Variants in HOXB2 observed in about 807,000 individuals in gnomAD.
HOXB2 encodes homeobox B2.
Under a neutral mutation model 13.1 loss-of-function variants are expected in HOXB2, and 14 were observed. That is an observed-to-expected ratio of 1.07 (90% CI 0.71 to 1.67). The LOEUF (loss-of-function observed/expected upper bound fraction) is 1.67, where lower values mean the gene tolerates loss of function less well. HOXB2 is among the 40% of genes most tolerant of loss of function. The pLI, the probability that HOXB2 is intolerant of heterozygous loss-of-function variation, is 0.00. For missense variants in HOXB2, 582 were observed against 488.3 expected, an observed-to-expected ratio of 1.19 and a Z score of -1.81; for synonymous variants, 261 against 233.1, an observed-to-expected ratio of 1.12 and a Z score of -1.09.
At chr17:48,544,362 G>A in intron 1 of HOXB2, 159 bp downstream of exon 1, 1 of 1,425,442 alleles carries the variant, frequency 7.0e-7, no homozygotes, top group Non-Finnish European at 9.1e-7. Flanking sequence ...TTAGCGGCCA[G>A]GCCTGAACCC....
In HOXB2 at chr17:48,545,035, GTCTC is replaced by G. The variant is rs2068557178; in HGVS notation, c.-128_-125del. The G allele has an allele frequency of 6.1e-6, 5 of 820,074 alleles. No individual in the cohort carries two copies. The highest frequency in any genetic ancestry group is 7.4e-6 in the Non-Finnish European group (4 of 542,554). The allele number at this position is 820,074 out of a possible 1,614,324, so 50.8% of individuals were successfully genotyped here. A position where few individuals can be genotyped will look rare whatever the true frequency, so the allele number is the denominator to read the frequency against. On this transcript the variant is annotated 5_prime_UTR_variant, in exon 1 of 2. Coordinates refer to ENST00000330070, the MANE Select transcript of HOXB2 (RefSeq NM_002145.4). ...GCGATTTTGGGAGGGGGAGATTTCG[GTCTC>G]TCTTTTTTTTAATTTTGGGCCTTTA...
At position 48,543,226 on chromosome 17, in the gene HOXB2, GAAGGA is replaced by G; in HGVS notation, c.908_912del (p.Phe303SerfsTer21). Reference sequence around the variant, plus strand: ...TCGGCCGCGAAGAAGTTGAGGTCGGGAAGGAAAGGTGAATCCTGGCGCCCCGAGAA... The same window carrying G: ...TCGGCCGCGAAGAAGTTGAGGTCGGGAAGGTGAATCCTGGCGCCCCGAGAA... On this transcript the variant is annotated frameshift_variant, in exon 2 of 2. Coordinates refer to ENST00000330070, the MANE Select transcript of HOXB2 (RefSeq NM_002145.4). LOFTEE classifies it high-confidence loss of function. The G allele has an allele frequency of 1.2e-6, 2 of 1,613,476 alleles. No homozygotes were observed. The highest frequency in any genetic ancestry group is 1.7e-6 in the Non-Finnish European group (2 of 1,180,008).
At position 48,543,052 on chromosome 17, in the gene HOXB2, G is replaced by A. The variant is rs776309753; in HGVS notation, c.*16C>T. 1.0e-5 allele frequency: 16 copies of A among 1,562,528 alleles called. No individual in the cohort carries two copies. The South Asian group carries it at 1.1e-4, about 10-fold the overall frequency. On this transcript the variant is annotated 3_prime_UTR_variant, in exon 2 of 2. Coordinates refer to ENST00000330070, the MANE Select transcript of HOXB2 (RefSeq NM_002145.4). ...AAGGAGCGCGGGGGTCGAAAGGACC[G>A]GGAGGAGGAAACAGGTTAGGGAAAC...
Position 48,543,324 on chromosome 17 carries a change from G to A in HOXB2, c.815C>T (p.Ala272Val), listed in dbSNP as rs768720993. ...PLAVRLEGAG[A>V]SSPGCALRGA... ...GCGCAGCGCGCAGCCGGGACTCGACGCGCCTGCGCCCTCTAAGCGAACGGC... is the reference window on the plus strand; with the variant it reads ...GCGCAGCGCGCAGCCGGGACTCGACACGCCTGCGCCCTCTAAGCGAACGGC... The change falls in exon 2 of 2, where the codon GCG (alanine) becomes GTG (valine). Residue 272 changes from alanine to valine, a missense_variant. By Grantham distance (64) the Ala-to-Val change is moderately conservative. Transcript: ENST00000330070. 30 of 1,599,122 alleles carry A rather than the reference G, an allele frequency of 1.9e-5. No individual in the cohort carries two copies. The highest frequency in any genetic ancestry group is 1.1e-5 in the Non-Finnish European group (13 of 1,176,934).
At chr17:48,543,879 A>T in intron 1 of HOXB2, 132 bp from the exon 2 acceptor site, 2 of 835,216 alleles carry the variant, frequency 2.4e-6, no homozygotes, top group Non-Finnish European at 3.3e-6. Flanking sequence ...CCCACCCCAA[A>T]GCCGCTCGCT....
chr17:48,543,531 T>A lies in HOXB2; in HGVS notation c.608A>T (p.Gln203Leu), dbSNP rs2068527502. The A allele has an allele frequency of 6.2e-7, 1 of 1,612,772 alleles. No individual in the cohort carries two copies. Among genetic ancestry groups the A allele is most frequent in the African/African-American group, 1.3e-5 (1 of 74,872 alleles). The stretch of plus-strand genomic sequence containing the variant: ...CTCCCCATCCGGCGGCTCTCGGTGC[T>A]GCGTCTGCCGCTTGTGCTTCATGCG... ...NRRMKHKRQT[Q>L]HREPPDGEPA... Residue 203 changes from glutamine (Q) to leucine (L), a missense_variant, in exon 2 of 2, where the codon CAG becomes CTG. Coordinates refer to ENST00000330070, the MANE Select transcript of HOXB2 (RefSeq NM_002145.4).
chr17:48,542,998 G>T lies in HOXB2; in HGVS notation c.*70C>A. The T allele has an allele frequency of 1.5e-6, 2 of 1,292,106 alleles. No homozygotes were observed. The highest frequency in any genetic ancestry group is 2.1e-6 in the Non-Finnish European group (2 of 934,566). The allele number at this position is 1,292,106 out of a possible 1,614,324, so 80.0% of individuals were successfully genotyped here. A position where few individuals can be genotyped will look rare whatever the true frequency, so the allele number is the denominator to read the frequency against. ...CATAAGTCTATGCGACTGAGGGTGG[G>T]AGAGGCTCGATTTTTCCAGTAGACG... is the stretch of plus-strand genomic sequence containing the variant. On this transcript the variant is annotated 3_prime_UTR_variant, in exon 2 of 2. Transcript: ENST00000330070.
At position 48,543,263 on chromosome 17, in the gene HOXB2, T is replaced by C; in HGVS notation, c.876A>G (p.Glu292=). ...AATCCTGGCGCCCCGAGAAGACGTC[T>C]TCTGGCAATGGCCCGGGCTCCAGCC... ...AGGLEPGPLP[E]DVFSGRQDSP... is the part of the protein sequence containing the mutation. The change falls in exon 2 of 2, where the codon GAA becomes GAG. Residue 292 remains glutamate (E), a synonymous_variant. Coordinates refer to ENST00000330070, the MANE Select transcript of HOXB2 (RefSeq NM_002145.4). 1 of 1,609,086 alleles carries C rather than the reference T, an allele frequency of 6.2e-7. No individual in the cohort carries two copies. The highest frequency in any genetic ancestry group is 8.5e-7 in the Non-Finnish European group (1 of 1,179,740).
Position 48,544,010 on chromosome 17 carries a change from C to A in HOXB2, c.392-263G>T, listed in dbSNP as rs376045859. On this transcript the variant is annotated intron_variant, in intron 1 of 1. Coordinates refer to ENST00000330070, the MANE Select transcript of HOXB2 (RefSeq NM_002145.4). ...GGCGGAGAGCGGCTCCCTTCGGCGC[C>A]GGAACCTCAGATCCCCCTCCCAAGC... The A allele has an allele frequency of 2.3e-4, 286 of 1,268,636 alleles. 3 individuals carry two copies. The South Asian group carries it at 7.8e-3, about 34-fold the overall frequency. 78.6% of individuals were successfully genotyped at this position (1,268,636 alleles called of 1,614,324 possible).
Position 48,543,016 on chromosome 17 carries a change from A to T in HOXB2, c.*52T>A. ...AGGGTGGGAGAGGCTCGATTTTTCC[A>T]GTAGACGGCCAAGGAGCGCGGGGGT... On this transcript the variant is annotated 3_prime_UTR_variant, in exon 2 of 2. Coordinates refer to ENST00000330070, the MANE Select transcript of HOXB2 (RefSeq NM_002145.4). 1 of 1,459,368 alleles carries T rather than the reference A, an allele frequency of 6.9e-7. No individual in the cohort carries two copies. Among genetic ancestry groups the T allele is most frequent in the Non-Finnish European group, 9.2e-7 (1 of 1,086,058 alleles). The allele number at this position is 1,459,368 out of a possible 1,614,324, so 90.4% of individuals were successfully genotyped here. A position where few individuals can be genotyped will look rare whatever the true frequency, so the allele number is the denominator to read the frequency against.
Position 48,544,965 on chromosome 17 carries a change from C to G in HOXB2, c.-54G>C. 3 of 1,223,440 alleles carry G rather than the reference C, an allele frequency of 2.5e-6. No individual in the cohort carries two copies. The highest frequency in any genetic ancestry group is 3.5e-5 in the African/African-American group (1 of 28,232). The allele number at this position is 1,223,440 out of a possible 1,614,324, so 75.8% of individuals were successfully genotyped here. A position where few individuals can be genotyped will look rare whatever the true frequency, so the allele number is the denominator to read the frequency against. On this transcript the variant is annotated 5_prime_UTR_variant, in exon 1 of 2. Coordinates refer to ENST00000330070, the MANE Select transcript of HOXB2 (RefSeq NM_002145.4). ...TGGGGGGGGCGTCAGGAGGGAGGAT[C>G]GGAAGGGACCCCCCTCCTGCACCCC...
chr17:48,544,957 G>T lies in HOXB2; in HGVS notation c.-46C>A. The T allele has an allele frequency of 1.5e-6, 2 of 1,329,548 alleles. No homozygotes were observed. The highest frequency in any genetic ancestry group is 2.0e-6 in the Non-Finnish European group (2 of 1,012,448). The allele number at this position is 1,329,548 out of a possible 1,614,324, so 82.4% of individuals were successfully genotyped here. ...GGGGCTGCTGGGGGGGGCGTCAGGA[G>T]GGAGGATCGGAAGGGACCCCCCTCC... On this transcript the variant is annotated 5_prime_UTR_variant, in exon 1 of 2. Coordinates refer to ENST00000330070, the MANE Select transcript of HOXB2 (RefSeq NM_002145.4).
At chr17:48,543,799 C>T (rs1313752376) in intron 1 of HOXB2, 52 bp from the exon 2 acceptor site, 1 of 1,527,774 alleles carries the variant, frequency 6.5e-7, no homozygotes, top group Non-Finnish European at 8.8e-7. Context: ...TCAGCCCAAC[C>T]TCAGTTCGGA....
In HOXB2 at chr17:48,544,940, T is replaced by TGTG; in HGVS notation, c.-30_-29insCAC. 2 of 271,684 alleles carry TGTG rather than the reference T, an allele frequency of 7.4e-6. No individual in the cohort carries two copies. Among genetic ancestry groups the TGTG allele is most frequent in the Non-Finnish European group, 5.9e-6 (1 of 170,486 alleles). 16.8% of individuals were successfully genotyped at this position (271,684 alleles called of 1,614,324 possible). ...TTTCAATGGTGGGGGAGGGGGCTGCTGGGGGGGGCGTCAGGAGGGAGGATC... is the reference window on the plus strand; with the variant it reads ...TTTCAATGGTGGGGGAGGGGGCTGCTGTGGGGGGGGGCGTCAGGAGGGAGGATC... On this transcript the variant is annotated 5_prime_UTR_variant, in exon 1 of 2. Transcript: ENST00000330070.
chr17:48,543,782 C>A, intron 1 of HOXB2, 35 bp from the exon 2 acceptor site: 1 of 1,553,752 alleles, frequency 6.4e-7, no homozygotes, highest in African/African-American at 1.4e-5. Context: ...CATAGCGGGC[C>A]GTGTACTCAG....
At position 48,543,274 on chromosome 17, in the gene HOXB2, G is replaced by A. The variant is rs568257959; in HGVS notation, c.865C>T (p.Pro289Ser). The part of the protein sequence containing the change: ...LRGAGGLEPG[P>S]LPEDVFSGRQ... ...CCCGAGAAGACGTCTTCTGGCAATG[G>A]CCCGGGCTCCAGCCCGCCGGCCCCG... The change falls in exon 2 of 2, where the codon CCA (proline) becomes TCA (serine). Residue 289 changes from proline to serine, a missense_variant. By Grantham distance (74) the Pro-to-Ser change is moderately conservative. Coordinates refer to ENST00000330070, the MANE Select transcript of HOXB2 (RefSeq NM_002145.4). 140 of 1,605,972 alleles carry A rather than the reference G, an allele frequency of 8.7e-5. No individual in the cohort carries two copies. In the South Asian group the frequency reaches 1.4e-3, roughly 16 times the overall value.
chr17:48,544,058 C>T, intron 1 of HOXB2: 1 of 1,233,902 alleles, frequency 8.1e-7, no homozygotes, highest in Non-Finnish European at 1.0e-6. Flanking sequence ...CCCCTCAATT[C>T]GGAACTTTCC....
Position 48,543,121 on chromosome 17 carries a change from C to T in HOXB2, c.1018G>A (p.Glu340Lys), listed in dbSNP as rs780933492. The stretch of plus-strand genomic sequence containing the variant: ...AGCGTACTGGTGAAAAAATCCAGCT[C>T]TTCCTCGGAAAAAGGGACCGGGCTG... ...LDSPVPFSEE[E>K]LDFFTSTLCA... is the part of the protein sequence containing the mutation. Residue 340 changes from glutamate to lysine, a missense_variant, in exon 2 of 2, where the codon GAG becomes AAG. Coordinates refer to ENST00000330070, the MANE Select transcript of HOXB2 (RefSeq NM_002145.4). 5 of 1,613,042 alleles carry T rather than the reference C, an allele frequency of 3.1e-6. No individual in the cohort carries two copies. Among genetic ancestry groups the T allele is most frequent in the African/African-American group, 1.3e-5 (1 of 74,884 alleles).
In HOXB2 at chr17:48,543,473, G is replaced by A. The variant is rs775172721; in HGVS notation, c.666C>T (p.Cys222=). 2 of 1,610,732 alleles carry A rather than the reference G, an allele frequency of 1.2e-6. No individual in the cohort carries two copies. Among genetic ancestry groups the A allele is most frequent in the South Asian group, 2.2e-5 (2 of 90,988 alleles). ...PACPGALEDI[C]DPAEEPAASP... ...TGGCCGCGGGTTCCTCGGCAGGGTC[G>A]CAGATGTCCTCCAGGGCTCCCGGGC... Residue 222 remains cysteine (C), a synonymous_variant, in exon 2 of 2, where the codon TGC becomes TGT. Coordinates refer to ENST00000330070, the MANE Select transcript of HOXB2 (RefSeq NM_002145.4).
Sources: gnomAD v4.1 joint callset for allele counts on GRCh38, gnomAD v4.1.1 for gene constraint, MANE v1.5 for transcripts, NCBI Gene and HGNC (gene_info 2026-07-23, HGNC 2026-07-21) for gene names.